The following JCAD variants were observed in gnomAD, a reference collection of about 807,000 sequenced individuals.
JCAD encodes the protein junctional cadherin 5-associated protein.
In JCAD, 40 loss-of-function variants were observed where a neutral mutation model predicts 98.0. That is an observed-to-expected ratio of 0.41 (90% CI 0.32 to 0.53). The LOEUF (loss-of-function observed/expected upper bound fraction) is 0.53. Ranked by LOEUF, JCAD falls within the 20% of genes least tolerant of loss-of-function variation. JCAD has a pLI of 0.31. For missense variants in JCAD, 1,705 were observed against 1,738.1 expected (o/e 0.98, Z 0.34); for synonymous variants, 691 against 682.3 (o/e 1.01, Z -0.20).
At chr10:30,068,546 A>G (rs1837826981) in intron 2 of JCAD, among the ~76,000 whole-genome samples, 1 of 152,170 alleles carries the variant, frequency 6.6e-6, no homozygotes, top group Non-Finnish European at 1.5e-5. Context: ...ATTTGCTTAC[A>G]TGATACTTGG....
At chr10:30,092,386 T>C (rs985199735) in intron 1 of JCAD, among the ~76,000 whole-genome samples, 26 of 151,856 alleles carry the variant, frequency 1.7e-4, no homozygotes, top group Admixed American at 7.9e-4. Flanking sequence ...CTTATGCTGG[T>C]AGACAAAGCA....
intron 1 of JCAD, among the ~76,000 whole-genome samples, chr10:30,083,608 C>T (rs1432353878): frequency 2.0e-5 from 3 of 152,132 alleles, no homozygotes; most frequent in Non-Finnish European, 4.4e-5. Flanking sequence ...AGCTAAAATG[C>T]CTATAAGCAA....
chr10:30,073,448 G>T (rs910107921), intron 1 of JCAD, among the ~76,000 whole-genome samples: 1 of 152,194 alleles, frequency 6.6e-6, no homozygotes, highest in Non-Finnish European at 1.5e-5. Flanking sequence ...GAACATCATG[G>T]CACTCTACAA....
At chr10:30,103,998 G>T (rs750464263) in intron 1 of JCAD, among the ~76,000 whole-genome samples, 8 of 152,190 alleles carry the variant, frequency 5.3e-5, no homozygotes, top group Non-Finnish European at 1.0e-4. Flanking sequence ...GTATCATGGG[G>T]ATACACCAAA....
At position 30,017,387 on chromosome 10, in the gene JCAD, T is replaced by A. The variant is rs1282109193; in HGVS notation, c.*496A>T. ...ATTGATTAGAAATGGATCATACCTA[T>A]TGATTCACATTTCCCCTAAACTGAA... On this transcript the variant is annotated 3_prime_UTR_variant, in exon 4 of 4. Coordinates refer to ENST00000375377, the MANE Select transcript of JCAD (RefSeq NM_020848.4). 2 of 174,534 alleles carry A rather than the reference T, an allele frequency of 1.1e-5. No homozygotes were observed. Among genetic ancestry groups the A allele is most frequent in the African/African-American group, 4.8e-5 (2 of 41,616 alleles). 10.8% of individuals were successfully genotyped at this position (174,534 alleles called of 1,614,324 possible). A position where few individuals can be genotyped will look rare whatever the true frequency, so the allele number is the denominator to read the frequency against.
chr10:30,026,694 C>T lies in JCAD; in HGVS notation c.3454G>A (p.Gly1152Ser), dbSNP rs527698226. Reference sequence around the variant, plus strand: ...ACAAAGAGAGGGCTCTTGGTCCAGCCGCACTTCCTCCTGCCATAAAAGGCA... The same window carrying T: ...ACAAAGAGAGGGCTCTTGGTCCAGCTGCACTTCCTCCTGCCATAAAAGGCA... ...TDAFYGRRKC[G>S]WTKSPLFVGD... Residue 1152 changes from glycine (G) to serine (S), a missense_variant, in exon 3 of 4, where the codon GGC (glycine) becomes AGC (serine). By Grantham distance (56) the Gly-to-Ser change is moderately conservative. Transcript: ENST00000375377. The T allele has an allele frequency of 2.3e-5, 37 of 1,613,720 alleles. No homozygotes were observed. In the Admixed American group the frequency reaches 2.8e-4, roughly 12 times the overall value.
In JCAD at chr10:30,038,408, G is replaced by A. The variant is rs79303975; in HGVS notation, c.282-8542C>T. 2.4e-4 allele frequency among the ~76,000 whole-genome samples: 37 copies of A among 152,240 alleles called. No homozygotes were observed. The East Asian group carries it at 5.8e-3, about 24-fold the overall frequency. ...GGTAGCGAAGACAAAGAGAGAGCCGGCACGGAGGTTCATGCCTGTAATCCC... is the reference window on the plus strand; with the variant it reads ...GGTAGCGAAGACAAAGAGAGAGCCGACACGGAGGTTCATGCCTGTAATCCC... On this transcript the variant is annotated intron_variant, in intron 2 of 3. Coordinates refer to ENST00000375377, the MANE Select transcript of JCAD (RefSeq NM_020848.4).
chr10:30,076,357 T>A (rs1305878540), intron 1 of JCAD, among the ~76,000 whole-genome samples: 1 of 152,208 alleles, frequency 6.6e-6, no homozygotes, highest in Non-Finnish European at 1.5e-5. Flanking sequence ...TTAGTACCCG[T>A]ACAGAAATCT....
intron 1 of JCAD, among the ~76,000 whole-genome samples, chr10:30,050,411 C>T (rs1435418074): frequency 1.3e-5 from 2 of 151,406 alleles, no homozygotes; most frequent in Non-Finnish European, 2.9e-5. Context: ...TCCCCAGGCT[C>T]ACTGGTTCAA....
In JCAD at chr10:30,027,477, C is replaced by T; in HGVS notation, c.2671G>A (p.Glu891Lys). ...FRGNSPEMRV[E>K]PQPRMWVPES... ...GGCACCCACATCCTCGGCTGTGGCT[C>T]AACCCTCATTTCCGGGCTGTTTCCG... Residue 891 changes from glutamate (E) to lysine (K), a missense_variant, in exon 3 of 4, where the codon GAG becomes AAG. Transcript: ENST00000375377. 2 of 1,606,812 alleles carry T rather than the reference C, an allele frequency of 1.2e-6. No individual in the cohort carries two copies. The highest frequency in any genetic ancestry group is 1.7e-6 in the Non-Finnish European group (2 of 1,179,996).
chr10:30,067,956 G>A (rs1282193763), intron 2 of JCAD, among the ~76,000 whole-genome samples: 1 of 152,180 alleles, frequency 6.6e-6, no homozygotes, highest in Non-Finnish European at 1.5e-5. Context: ...TTGTAACACA[G>A]TGTTATTTGT....
intron 1 of JCAD, among the ~76,000 whole-genome samples, chr10:30,054,605 T>C (rs944284490): frequency 7.9e-5 from 12 of 151,932 alleles, no homozygotes; most frequent in African/African-American, 2.9e-4. Context: ...AAGTTATATA[T>C]AACTATTTCA....
In JCAD at chr10:30,092,034, CAAAAAAAAAAAAA is replaced by C. The variant is rs1198107053; in HGVS notation, n.129-22226_129-22214del. On this transcript the variant is annotated intron_variant and non_coding_transcript_variant, in intron 1 of 2. Coordinates refer to the JCAD transcript ENST00000465712. ...CAGAGCGAGACTCCATCCCCCACCA[CAAAAAAAAAAAAA>C]AAAAAAAAAAAAAAAAAATATATAT... 3.8e-3 allele frequency among the ~76,000 whole-genome samples: 134 copies of C among 35,376 alleles called. 1 individual carries two copies. Among genetic ancestry groups the C allele is most frequent in the African/African-American group, 0.016 (115 of 7,164 alleles). The allele number at this position is 35,376 out of a possible 152,430, so 23.2% of individuals were successfully genotyped here.
chr10:30,054,675 CTT>C (rs34992036), intron 1 of JCAD, among the ~76,000 whole-genome samples: 1 of 146,606 alleles, frequency 6.8e-6, no homozygotes, highest in Non-Finnish European at 1.5e-5. Flanking sequence ...GAAAATGCAT[CTT>C]TTTTTTTTTT....
intron 1 of JCAD, among the ~76,000 whole-genome samples, chr10:30,052,741 C>T (rs921651393): frequency 6.6e-6 from 1 of 152,070 alleles, no homozygotes; most frequent in Non-Finnish European, 1.5e-5. Context: ...ACAAATAAGA[C>T]CCCGTCAGCA....
chr10:30,073,898 G>T (rs1212910879), intron 1 of JCAD, among the ~76,000 whole-genome samples: 1 of 152,072 alleles, frequency 6.6e-6, no homozygotes, highest in Admixed American at 6.5e-5. Context: ...CTTCCATTCT[G>T]CCAGGGAACC....
intron 2 of JCAD, among the ~76,000 whole-genome samples, chr10:30,045,156 C>T (rs1017624500): frequency 6.6e-6 from 1 of 152,256 alleles, no homozygotes; most frequent in Middle Eastern, 3.4e-3. Context: ...GAACCTGTTA[C>T]CACACAAGGG....
chr10:30,089,986 C>T (rs917495130), intron 1 of JCAD, among the ~76,000 whole-genome samples: 2 of 152,220 alleles, frequency 1.3e-5, no homozygotes, highest in African/African-American at 4.8e-5. Context: ...CCCTGGTTAA[C>T]TTCACCAACA....
At chr10:30,096,052 A>G (rs1838362569) in intron 1 of JCAD, among the ~76,000 whole-genome samples, 1 of 152,036 alleles carries the variant, frequency 6.6e-6, no homozygotes, top group Non-Finnish European at 1.5e-5. Flanking sequence ...TTTTATTGTC[A>G]GTAAAAGTCA....
Sources: allele counts gnomAD v4.1 joint callset (sites outside exome capture counted in the v4.1 genomes callset), GRCh38; gene constraint gnomAD v4.1.1; transcripts MANE v1.5; gene names NCBI Gene and HGNC (gene_info 2026-07-23, HGNC 2026-07-21).